Variants in RPS6KC1 observed in about 807,000 individuals in gnomAD.
RPS6KC1 encodes the protein ribosomal protein S6 kinase C1.
Under a neutral mutation model 103.8 loss-of-function variants are expected in RPS6KC1, and 54 were observed. The ratio of observed to expected loss-of-function variants is 0.52; its 90% CI spans 0.42 to 0.65. The LOEUF is 0.65. Ranked by LOEUF, RPS6KC1 falls within the 30% of genes least tolerant of loss-of-function variation. The pLI, the probability that RPS6KC1 is intolerant of heterozygous loss-of-function variation, is 0.00. For missense variants in RPS6KC1, 1,151 were observed against 1,253.8 expected (o/e 0.92, Z 1.24); for synonymous variants, 439 against 438.7 (o/e 1.00, Z -0.01).
At chr1:213,575,586 G>A in the RPS6KC1 span, among the ~76,000 whole-genome samples, 1 of 152,188 alleles carries the variant, frequency 6.6e-6, no homozygotes, top group East Asian at 1.9e-4. Context: ...GGATGTGTTT[G>A]CTTCCCCTTC....
the RPS6KC1 span, among the ~76,000 whole-genome samples, chr1:213,767,979 A>G: frequency 6.6e-6 from 1 of 152,192 alleles, no homozygotes; most frequent in Non-Finnish European, 1.5e-5. Context: ...GATAGCAGGT[A>G]GGGAAAAGGG....
the RPS6KC1 span, among the ~76,000 whole-genome samples, chr1:213,430,674 A>G: frequency 1.3e-5 from 2 of 152,142 alleles, no homozygotes; most frequent in Non-Finnish European, 2.9e-5. Context: ...TTTTAAGTAA[A>G]AATGTTTGTA....
At chr1:213,325,577 T>C in the RPS6KC1 span, among the ~76,000 whole-genome samples, 3 of 152,168 alleles carry the variant, frequency 2.0e-5, no homozygotes, top group Non-Finnish European at 4.4e-5. Flanking sequence ...CCCGGAGATG[T>C]TGGTTTCCCA....
chr1:213,322,041 C>G, the RPS6KC1 span, among the ~76,000 whole-genome samples: 1 of 152,190 alleles, frequency 6.6e-6, no homozygotes, highest in East Asian at 1.9e-4. Context: ...CATGGTATCT[C>G]ATGCCTGTAA....
the RPS6KC1 span, among the ~76,000 whole-genome samples, chr1:213,803,673 C>T: frequency 6.6e-6 from 1 of 152,134 alleles, no homozygotes; most frequent in South Asian, 2.1e-4. Context: ...CTGCTGGCTG[C>T]TGACTCAGCA....
intron 8 of RPS6KC1, among the ~76,000 whole-genome samples, chr1:213,210,231 A>G (rs1013798754): frequency 6.6e-6 from 1 of 152,180 alleles, no homozygotes; most frequent in African/African-American, 2.4e-5. Flanking sequence ...AACACCTCTG[A>G]CAATAATATT....
the RPS6KC1 span, among the ~76,000 whole-genome samples, chr1:213,539,305 A>T: frequency 1.3e-5 from 2 of 152,234 alleles, no homozygotes; most frequent in African/African-American, 4.8e-5. Flanking sequence ...GCCTGTTTTC[A>T]TTGCAGAAAA....
chr1:213,590,711 G>A, the RPS6KC1 span, among the ~76,000 whole-genome samples: 1 of 152,140 alleles, frequency 6.6e-6, no homozygotes, highest in African/African-American at 2.4e-5. Flanking sequence ...ATCAGCGGAG[G>A]CCATTTCCAG....
chr1:213,763,845 T>G, the RPS6KC1 span, among the ~76,000 whole-genome samples: 1 of 152,242 alleles, frequency 6.6e-6, no homozygotes, highest in Non-Finnish European at 1.5e-5. Context: ...GCCTTCACTC[T>G]GAATTCCCAG....
At chr1:213,734,208 G>A in the RPS6KC1 span, among the ~76,000 whole-genome samples, 9 of 152,188 alleles carry the variant, frequency 5.9e-5, no homozygotes, top group African/African-American at 1.9e-4. Flanking sequence ...TTCTTAGGGT[G>A]GCTGTATGGC....
chr1:213,447,450 A>C, the RPS6KC1 span, among the ~76,000 whole-genome samples: 1 of 152,204 alleles, frequency 6.6e-6, no homozygotes, highest in African/African-American at 2.4e-5. Flanking sequence ...AACAGATAAC[A>C]ATACCCAAAA....
chr1:213,856,112 G>A, the RPS6KC1 span, among the ~76,000 whole-genome samples: 3 of 152,132 alleles, frequency 2.0e-5, no homozygotes, highest in Non-Finnish European at 4.4e-5. Context: ...GCCTGGAGTG[G>A]AGTCACTCAC....
At chr1:213,705,593 C>T in the RPS6KC1 span, among the ~76,000 whole-genome samples, 2 of 152,224 alleles carry the variant, frequency 1.3e-5, no homozygotes, top group African/African-American at 4.8e-5. Context: ...CCTATATCCC[C>T]GTGTGGCTGA....
At chr1:213,681,500 A>C in the RPS6KC1 span, among the ~76,000 whole-genome samples, 2 of 151,594 alleles carry the variant, frequency 1.3e-5, no homozygotes, top group African/African-American at 4.8e-5. Flanking sequence ...AAGGTGTTAA[A>C]TATATAGATG....
intron 3 of RPS6KC1, among the ~76,000 whole-genome samples, chr1:213,079,707 C>T (rs35446165): frequency 0.14 from 21,574 of 151,596 alleles, 2,068 homozygotes; most frequent in Non-Finnish European, 0.22. Context: ...TGTGATCCAC[C>T]GCGCCTGGCA....
At chr1:213,402,114 G>GT in the RPS6KC1 span, among the ~76,000 whole-genome samples, 1 of 152,158 alleles carries the variant, frequency 6.6e-6, no homozygotes, top group Non-Finnish European at 1.5e-5. Context: ...TTGAATGAGT[G>GT]TTTATCAAAT....
the RPS6KC1 span, among the ~76,000 whole-genome samples, chr1:213,479,998 T>C: frequency 6.6e-6 from 1 of 151,996 alleles, no homozygotes; most frequent in Admixed American, 6.5e-5. Flanking sequence ...CATACTGCCT[T>C]TTATTGTTAA....
At chr1:213,758,302 G>C in the RPS6KC1 span, among the ~76,000 whole-genome samples, 1 of 152,178 alleles carries the variant, frequency 6.6e-6, no homozygotes, top group Non-Finnish European at 1.5e-5. Flanking sequence ...ATTCAGCAGG[G>C]CATGGTGGCT....
intron 7 of RPS6KC1, among the ~76,000 whole-genome samples, chr1:213,176,070 C>A (rs1490758938): frequency 6.6e-6 from 1 of 152,054 alleles, no homozygotes; most frequent in Non-Finnish European, 1.5e-5. Context: ...GCCCAGTTAT[C>A]CATTTGTTAC....
Sources: allele counts gnomAD v4.1 joint callset (sites outside exome capture counted in the v4.1 genomes callset), GRCh38; gene constraint gnomAD v4.1.1; transcripts MANE v1.5; gene names NCBI Gene and HGNC (gene_info 2026-07-23, HGNC 2026-07-21).